The following GPR137C variants were observed in gnomAD, a reference collection of about 807,000 sequenced individuals.
GPR137C encodes the protein integral membrane protein GPR137C.
A neutral mutation model predicts 43.4 loss-of-function variants in GPR137C; 27 were observed. That is an observed-to-expected ratio of 0.62 (90% confidence interval 0.46 to 0.86). The LOEUF (loss-of-function observed/expected upper bound fraction) is 0.86, where lower values mean the gene tolerates loss of function less well. GPR137C is among the 40% of genes least tolerant of loss of function. GPR137C has a pLI of 0.00. For missense variants in GPR137C, 522 were observed against 534.6 expected (o/e 0.98, Z 0.23); for synonymous variants, 285 against 226.9 (o/e 1.26, Z -2.30).
Position 52,635,056 on chromosome 14 carries a change from A to G in GPR137C, c.1231A>G (p.Thr411Ala), listed in dbSNP as rs1271711500. ...PMTDTAPLLF[T>A]CSNLDLNNHH... is the part of the protein sequence containing the mutation. ...GACAGATACTGCTCCTTTGCTCTTT[A>G]CTTGTAGTAATTTAGATTTGAACAA... The change falls in exon 7 of 7, where the codon ACT becomes GCT. Residue 411 changes from threonine to alanine, a missense_variant. By Grantham distance (58) the Thr-to-Ala change is moderately conservative. Around this residue, in one of 3 missense-constraint regions of GPR137C, gnomAD observed 67 missense variants for 69.0 expected, o/e 0.97. Coordinates refer to ENST00000321662, the MANE Select transcript of GPR137C (RefSeq NM_001099652.2). 1.9e-6 allele frequency: 3 copies of G among 1,606,662 alleles called. No individual in the cohort carries two copies. Among genetic ancestry groups the G allele is most frequent in the Non-Finnish European group, 2.5e-6 (3 of 1,177,624 alleles).
chr14:52,582,982 G>C (rs760982664), intron 1 of GPR137C, among the ~76,000 whole-genome samples: 1 of 151,878 alleles, frequency 6.6e-6, no homozygotes, highest in Admixed American at 6.6e-5. Flanking sequence ...TGGGATAAAA[G>C]TAGATTATGT....
In GPR137C at chr14:52,553,154, G is replaced by A. The variant is rs1312659723; in HGVS notation, c.7G>A (p.Val3Met). 3.4e-6 allele frequency: 4 copies of A among 1,171,442 alleles called. No individual in the cohort carries two copies. The highest frequency in any genetic ancestry group is 4.2e-6 in the Non-Finnish European group (4 of 951,782). The allele number at this position is 1,171,442 out of a possible 1,614,324, so 72.6% of individuals were successfully genotyped here. The change falls in exon 1 of 7, where the codon GTG (valine) becomes ATG (methionine). Residue 3 changes from valine to methionine, a missense_variant. Around this residue, in one of 3 missense-constraint regions of GPR137C, gnomAD observed 437 missense variants for 425.7 expected, o/e 1.03. Coordinates refer to ENST00000321662, the MANE Select transcript of GPR137C (RefSeq NM_001099652.2). MR[V>M]SVPGPAAAAA... Reference sequence around the variant, plus strand: ...CCCGGCCCCCAGCCCCCTCATGAGGGTGTCCGTGCCGGGTCCGGCGGCCGC... The same window carrying A: ...CCCGGCCCCCAGCCCCCTCATGAGGATGTCCGTGCCGGGTCCGGCGGCCGC...
chr14:52,620,167 C>G (rs1474623527), intron 3 of GPR137C, among the ~76,000 whole-genome samples: 1 of 152,062 alleles, frequency 6.6e-6, no homozygotes, highest in African/African-American at 2.4e-5. Context: ...GAAGAGAAAT[C>G]CACTGTTTTA....
At chr14:52,594,625 G>A (rs1027878153) in intron 1 of GPR137C, among the ~76,000 whole-genome samples, 6 of 152,154 alleles carry the variant, frequency 3.9e-5, no homozygotes, top group African/African-American at 1.4e-4. Context: ...TTTTATCAGA[G>A]ACTATGATTG....
rs1422080933 is a variant in GPR137C, at chr14:52,617,758, T to G, written c.718-14402T>G. Among the ~76,000 whole-genome samples the G allele has an allele frequency of 2.6e-5, 4 of 152,290 alleles. No homozygotes were observed. The East Asian group carries it at 7.7e-4, about 29-fold the overall frequency. On this transcript the variant is annotated intron_variant, in intron 3 of 6. Coordinates refer to ENST00000321662, the MANE Select transcript of GPR137C (RefSeq NM_001099652.2). ...ATGTAAATCCCAGCTCTACTGTTTA[T>G]TGGCTGTGTGACCTTAGTCAAATTG...
At chr14:52,588,924 A>G (rs372362903) in intron 1 of GPR137C, among the ~76,000 whole-genome samples, 15 of 152,240 alleles carry the variant, frequency 9.9e-5, no homozygotes, top group African/African-American at 3.6e-4. Flanking sequence ...AAAATCATAT[A>G]TAGAACATTG....
rs182874729 is a variant in GPR137C, at chr14:52,596,306, G to A, written c.445-1966G>A. ...ACCCACTTGAGGAGGCAGTCTGTCC[G>A]TTCTCAGAGCTCAAACTCCGTGCTG... is the stretch of plus-strand genomic sequence containing the variant. On this transcript the variant is annotated intron_variant, in intron 1 of 6. Transcript: ENST00000321662. Among the ~76,000 whole-genome samples, 228 of 152,362 alleles carry A rather than the reference G, an allele frequency of 1.5e-3. 1 individual carries two copies. Among genetic ancestry groups the A allele is most frequent in the African/African-American group, 4.9e-3 (203 of 41,592 alleles).
At chr14:52,579,566 C>T (rs1301622229) in intron 1 of GPR137C, among the ~76,000 whole-genome samples, 3 of 152,166 alleles carry the variant, frequency 2.0e-5, no homozygotes, top group Non-Finnish European at 4.4e-5. Context: ...TTGGGTGTCC[C>T]TAAGGCCACC....
At chr14:52,616,201 A>T (rs1425316214) in intron 3 of GPR137C, among the ~76,000 whole-genome samples, 2 of 152,224 alleles carry the variant, frequency 1.3e-5, no homozygotes, top group Non-Finnish European at 2.9e-5. Context: ...CATCAGTATG[A>T]GTTGGAAACT....
chr14:52,621,486 G>A (rs1225383107), intron 3 of GPR137C, among the ~76,000 whole-genome samples: 3 of 151,820 alleles, frequency 2.0e-5, no homozygotes, highest in African/African-American at 7.2e-5. Flanking sequence ...TGAAGAACAT[G>A]AGAAATAGTA....
intron 1 of GPR137C, among the ~76,000 whole-genome samples, chr14:52,589,433 G>C (rs1431517880): frequency 6.6e-6 from 1 of 152,144 alleles, no homozygotes; most frequent in Non-Finnish European, 1.5e-5. Context: ...CATGTATGGG[G>C]GGAATTTTAA....
chr14:52,596,433 C>T (rs1566615741), intron 1 of GPR137C, among the ~76,000 whole-genome samples: 2 of 152,248 alleles, frequency 1.3e-5, no homozygotes, highest in Non-Finnish European at 1.5e-5. Context: ...ACAGAGGTGG[C>T]GTCTAGCGAG....
intron 3 of GPR137C, among the ~76,000 whole-genome samples, chr14:52,606,895 GTCTT>G (rs1452236837): frequency 2.6e-5 from 4 of 151,718 alleles, no homozygotes; most frequent in South Asian, 2.1e-4. Flanking sequence ...TTGTTTATTT[GTCTT>G]TCTATTTTTT....
At chr14:52,627,153 G>A (rs957818732) in intron 3 of GPR137C, among the ~76,000 whole-genome samples, 4 of 152,122 alleles carry the variant, frequency 2.6e-5, no homozygotes, top group African/African-American at 7.2e-5. Context: ...AGCACTTTGG[G>A]AGGCCTTGGT....
rs1459916132 is a variant in GPR137C at position 52,553,002 on chromosome 14, T to A, written c.-146T>A. ...CGGGGGAGCCGCGGCTGCTTTGCGCTGGACTCCGGGTCCCGTCACGGCGCT... is the reference window on the plus strand; with the variant it reads ...CGGGGGAGCCGCGGCTGCTTTGCGCAGGACTCCGGGTCCCGTCACGGCGCT... On this transcript the variant is annotated 5_prime_UTR_variant, in exon 1 of 7. Transcript: ENST00000321662. 1.8e-5 allele frequency: 5 copies of A among 272,762 alleles called. No homozygotes were observed. The highest frequency in any genetic ancestry group is 2.8e-5 in the Non-Finnish European group (5 of 176,424). 16.9% of individuals were successfully genotyped at this position (272,762 alleles called of 1,614,324 possible). A position where few individuals can be genotyped will look rare whatever the true frequency, so the allele number is the denominator to read the frequency against.
intron 1 of GPR137C, among the ~76,000 whole-genome samples, chr14:52,560,846 G>A (rs547731548): frequency 1.6e-4 from 25 of 152,172 alleles, no homozygotes; most frequent in Admixed American, 1.6e-3. Context: ...TAAACAAAAA[G>A]GCATGAACCA....
At chr14:52,579,764 G>C (rs374975990) in intron 1 of GPR137C, among the ~76,000 whole-genome samples, 1 of 152,166 alleles carries the variant, frequency 6.6e-6, no homozygotes. Context: ...TCAGCAATGA[G>C]GTGTAACAAC....
At chr14:52,595,559 T>C (rs1249671934) in intron 1 of GPR137C, among the ~76,000 whole-genome samples, 1 of 152,186 alleles carries the variant, frequency 6.6e-6, no homozygotes, top group South Asian at 2.1e-4. Context: ...TCGCTCTGTT[T>C]TATTAATTTA....
chr14:52,567,530 T>A (rs114586177), intron 1 of GPR137C, among the ~76,000 whole-genome samples: 143 of 152,288 alleles, frequency 9.4e-4, no homozygotes, highest in Middle Eastern at 3.4e-3. Flanking sequence ...CTAAACCACA[T>A]TAGAAATTAG....
Sources: allele counts gnomAD v4.1 joint callset (sites outside exome capture counted in the v4.1 genomes callset), GRCh38; gene constraint gnomAD v4.1.1; regional missense constraint gnomAD v4.1.1; transcripts MANE v1.5; gene names NCBI Gene and HGNC (gene_info 2026-07-23, HGNC 2026-07-21).